The following ANK3 variants were observed in gnomAD, a reference collection of about 807,000 sequenced individuals.
The protein encoded by ANK3 is ankyrin 3.
Under a neutral mutation model 370.9 loss-of-function variants are expected in ANK3, and 57 were observed. The observed-to-expected ratio is 0.15, with a 90% CI of 0.12 to 0.19. The LOEUF (loss-of-function observed/expected upper bound fraction) is 0.19, where lower values mean the gene tolerates loss of function less well. Among genes scored for constraint, ANK3 ranks in the 10% least tolerant of loss-of-function variants. The probability of loss-of-function intolerance (pLI) is 1.00; values close to 1 mark genes in which losing one functional copy is unlikely to be tolerated. For synonymous variants in ANK3, 1,929 were observed against 1,946.3 expected (o/e 0.99, Z 0.23); for missense variants, 4,439 against 5,302.1 (o/e 0.84, Z 5.06).
chr10:60,692,574 A>T lies in ANK3; in HGVS notation c.57+40689T>A, dbSNP rs529339945. Among the ~76,000 whole-genome samples the T allele has an allele frequency of 2.4e-3, 369 of 152,364 alleles. 2 individuals are homozygous for T. The highest frequency in any genetic ancestry group is 6.8e-3 in the Middle Eastern group (2 of 294). On this transcript the variant is annotated intron_variant, in intron 1 of 43. Coordinates refer to the ANK3 transcript ENST00000373827. The stretch of plus-strand genomic sequence containing the variant: ...CTGCCCAATTTACCAATAAAAGTGC[A>T]AACCTCTTTTCTACTCTGAATTTTT...
At position 60,082,186 on chromosome 10, in the gene ANK3, C is replaced by G; in HGVS notation, c.4324-10G>C. On this transcript the variant is annotated splice_polypyrimidine_tract_variant and intron_variant, in intron 34 of 43. Transcript: ENST00000280772. ...GATCTGACTCTGTCTCCTTTTGGTTCCAAGATGCATTGCAGAGACAAGGAA... is the reference window on the plus strand; with the variant it reads ...GATCTGACTCTGTCTCCTTTTGGTTGCAAGATGCATTGCAGAGACAAGGAA... 6.2e-7 allele frequency: 1 copy of G among 1,607,620 alleles called. No individual in the cohort carries two copies. The highest frequency in any genetic ancestry group is 2.2e-5 in the East Asian group (1 of 44,702).
chr10:60,118,643 G>A (rs928331007), intron 25 of ANK3, among the ~76,000 whole-genome samples: 2 of 149,926 alleles, frequency 1.3e-5, no homozygotes, highest in African/African-American at 4.9e-5. Context: ...ATACAAAGTA[G>A]TGATGTTCCT....
chr10:60,478,954 TTTTA>T (rs1410531687), intron 2 of ANK3, among the ~76,000 whole-genome samples: 3 of 152,046 alleles, frequency 2.0e-5, no homozygotes, highest in Non-Finnish European at 4.4e-5. Context: ...CGGTGGTTAT[TTTTA>T]TTGTCATTAT....
intron 35 of ANK3, among the ~76,000 whole-genome samples, chr10:60,081,130 C>T (rs1428382258): frequency 6.6e-6 from 1 of 152,052 alleles, no homozygotes; most frequent in East Asian, 1.9e-4. Flanking sequence ...TCTTGTAGCC[C>T]AGGCTGGAGT....
chr10:60,386,206 A>T (rs2062275288), intron 1 of ANK3, among the ~76,000 whole-genome samples: 1 of 152,068 alleles, frequency 6.6e-6, no homozygotes, highest in Admixed American at 6.6e-5. Context: ...TACTTTTGGC[A>T]TGCCTCCCAC....
intron 1 of ANK3, among the ~76,000 whole-genome samples, chr10:60,705,487 C>A (rs756237506): frequency 6.6e-6 from 1 of 152,084 alleles, no homozygotes; most frequent in Non-Finnish European, 1.5e-5. Flanking sequence ...TATAGGAAAA[C>A]AGAGGCTCTA....
intron 1 of ANK3, among the ~76,000 whole-genome samples, chr10:60,709,567 G>A (rs182580593): frequency 6.6e-6 from 1 of 152,130 alleles, no homozygotes; most frequent in African/African-American, 2.4e-5. Flanking sequence ...ATGTTATTAA[G>A]AAAATCATGA....
intron 43 of ANK3, among the ~76,000 whole-genome samples, chr10:60,032,194 C>CTTTTTTTTTTTTTTTT (rs552219776): frequency 0.023 from 987 of 43,120 alleles, 262 homozygotes; most frequent in Non-Finnish European, 0.03. Flanking sequence ...TACACAGCTT[C>CTTTTTTTTTTTTTTTT]TTTTTTTTTT....
intron 5 of ANK3, among the ~76,000 whole-genome samples, chr10:60,269,882 T>C (rs1355768932): frequency 6.6e-6 from 1 of 152,116 alleles, no homozygotes; most frequent in East Asian, 1.9e-4. Context: ...GCAAATACGT[T>C]AAATATTAAA....
chr10:60,027,386 A>C lies in ANK3; in HGVS notation c.*2460T>G, dbSNP rs1280097093. ...GCAAGGGTAGTGGCACATTTTATTT[A>C]TTTGGGATACCATGCAGATGCAACC... On this transcript the variant is annotated 3_prime_UTR_variant, in exon 44 of 44. Coordinates refer to ENST00000280772, the MANE Select transcript of ANK3 (RefSeq NM_020987.5). 1 of 138,948 alleles carries C rather than the reference A, an allele frequency of 7.2e-6. No individual in the cohort carries two copies. Among genetic ancestry groups the C allele is most frequent in the African/African-American group, 2.7e-5 (1 of 36,774 alleles). 8.6% of individuals were successfully genotyped at this position (138,948 alleles called of 1,614,324 possible). A position where few individuals can be genotyped will look rare whatever the true frequency, so the allele number is the denominator to read the frequency against.
chr10:60,676,980 A>G (rs1241975087), intron 1 of ANK3, among the ~76,000 whole-genome samples: 7 of 152,238 alleles, frequency 4.6e-5, no homozygotes, highest in Non-Finnish European at 7.3e-5. Context: ...TATTCTATGT[A>G]TGTATCAAAA....
chr10:60,264,273 ACATT>A, intron 5 of ANK3, among the ~76,000 whole-genome samples: 1 of 152,302 alleles, frequency 6.6e-6, no homozygotes, highest in Non-Finnish European at 1.5e-5. Flanking sequence ...AAATTAATAT[ACATT>A]AATTGGGAAA....
chr10:60,569,177 G>T (rs1438095648), intron 2 of ANK3, among the ~76,000 whole-genome samples: 1 of 151,966 alleles, frequency 6.6e-6, no homozygotes, highest in African/African-American at 2.4e-5. Flanking sequence ...TATCAGAGGG[G>T]GCAATATGTT....
At chr10:60,589,049 G>C (rs926761853) in intron 2 of ANK3, among the ~76,000 whole-genome samples, 1 of 152,116 alleles carries the variant, frequency 6.6e-6, no homozygotes, top group Admixed American at 6.5e-5. Flanking sequence ...ACTCAAACAA[G>C]TCTATTATTT....
chr10:60,091,668 T>A (rs2088483467), intron 28 of ANK3, among the ~76,000 whole-genome samples: 1 of 151,694 alleles, frequency 6.6e-6, no homozygotes, highest in African/African-American at 2.4e-5. Context: ...GCTGTACACC[T>A]GAGCAAGATG....
intron 43 of ANK3, among the ~76,000 whole-genome samples, chr10:60,035,529 A>T (rs1030264605): frequency 6.6e-6 from 1 of 151,904 alleles, no homozygotes; most frequent in South Asian, 2.1e-4. Context: ...CTGGGATTAC[A>T]GGTGTGAGCC....
At chr10:60,529,351 G>A (rs767372651) in intron 2 of ANK3, among the ~76,000 whole-genome samples, 5 of 152,138 alleles carry the variant, frequency 3.3e-5, no homozygotes, top group African/African-American at 9.7e-5. Context: ...TAAACACAAT[G>A]AGAGTGGCAA....
intron 23 of ANK3, among the ~76,000 whole-genome samples, chr10:60,155,892 C>T (rs562333088): frequency 6.6e-6 from 1 of 152,328 alleles, no homozygotes; most frequent in South Asian, 2.1e-4. Flanking sequence ...GCTCTCAGGC[C>T]TTTGGCCACA....
intron 28 of ANK3, among the ~76,000 whole-genome samples, chr10:60,097,379 C>G (rs2090349576): frequency 6.6e-6 from 1 of 152,148 alleles, no homozygotes; most frequent in South Asian, 2.1e-4. Context: ...AAAAGGTGAC[C>G]TGACTTCTCA....
Sources: allele counts gnomAD v4.1 joint callset (sites outside exome capture counted in the v4.1 genomes callset), GRCh38; gene constraint gnomAD v4.1.1; transcripts MANE v1.5; gene names NCBI Gene and HGNC (gene_info 2026-07-23, HGNC 2026-07-21).